The following KIDINS220 variants were observed in gnomAD, a reference collection of about 807,000 sequenced individuals.
KIDINS220 encodes the protein kinase D interacting substrate 220.
KIDINS220 carries 63 observed loss-of-function variants against 157.6 expected under a neutral mutation model. The ratio of observed to expected loss-of-function variants is 0.40; its 90% CI spans 0.33 to 0.49. The LOEUF is 0.49. Among genes scored for constraint, KIDINS220 ranks in the 20% least tolerant of loss-of-function variants. KIDINS220 has a pLI of 0.66. For missense variants in KIDINS220, 1,772 were observed against 2,171.2 expected (o/e 0.82, Z 3.65); for synonymous variants, 732 against 783.6 (o/e 0.93, Z 1.10).
At chr2:8,804,453 T>C (rs1483007319) in intron 7 of KIDINS220, among the ~76,000 whole-genome samples, 2 of 152,204 alleles carry the variant, frequency 1.3e-5, no homozygotes, top group Admixed American at 6.5e-5. Context: ...TCTTCACCTC[T>C]CCAACACAAC....
intron 22 of KIDINS220, among the ~76,000 whole-genome samples, chr2:8,753,906 TACAGAC>T (rs771588656): frequency 1.3e-5 from 2 of 152,300 alleles, no homozygotes; most frequent in East Asian, 1.9e-4. Context: ...AAGTCCGTTT[TACAGAC>T]ACAGACACAT....
At position 8,751,467 on chromosome 2, in the gene KIDINS220, T is replaced by C; in HGVS notation, c.3189A>G (p.Ala1063=). The C allele has an allele frequency of 6.2e-7, 1 of 1,600,916 alleles. No homozygotes were observed. Among genetic ancestry groups the C allele is most frequent in the Non-Finnish European group, 8.5e-7 (1 of 1,175,614 alleles). Residue 1063 remains alanine, a splice_region_variant and synonymous_variant, in exon 23 of 30, where the codon GCA becomes GCG. Transcript: ENST00000256707. The part of the protein sequence containing the change: ...NLDPKLREII[A]DVRAAREQIS... Reference sequence around the variant, plus strand: ...ATTAAATTTACTACTAATACCCACCTGCAATAATTTCCCGTAGTTTGGGAT... The same window carrying C: ...ATTAAATTTACTACTAATACCCACCCGCAATAATTTCCCGTAGTTTGGGAT...
chr2:8,726,414 A>C (rs545974343), downstream of KIDINS220, among the ~76,000 whole-genome samples: 1 of 152,368 alleles, frequency 6.6e-6, no homozygotes, highest in East Asian at 1.9e-4. Flanking sequence ...GGTCGGTGAC[A>C]ATATTTAATT....
intron 27 of KIDINS220, among the ~76,000 whole-genome samples, chr2:8,735,402 C>T (rs1664724628): frequency 6.6e-6 from 1 of 152,102 alleles, no homozygotes; most frequent in South Asian, 2.1e-4. Flanking sequence ...AGTGGTGGCA[C>T]ATGCCTGTAG....
intron 12 of KIDINS220, 51 bp from the exon 13 acceptor site, chr2:8,791,275 G>GA (rs768969934): frequency 1.4e-6 from 2 of 1,450,012 alleles, no homozygotes; most frequent in South Asian, 2.4e-5. Flanking sequence ...ATTACTATTA[G>GA]AAATGAACAC....
intron 21 of KIDINS220, among the ~76,000 whole-genome samples, chr2:8,772,403 AAGATGGAG>A (rs1181926402): frequency 6.6e-6 from 1 of 152,050 alleles, no homozygotes; most frequent in African/African-American, 2.4e-5. Context: ...TTGAACCTGG[AAGATGGAG>A]GTTACAGTGA....
At chr2:8,744,856 C>A (rs1418698933) in intron 26 of KIDINS220, among the ~76,000 whole-genome samples, 1 of 152,086 alleles carries the variant, frequency 6.6e-6, no homozygotes, top group African/African-American at 2.4e-5. Context: ...TTCTTAAAAG[C>A]AAAGGAAGCT....
Position 8,781,153 on chromosome 2 carries a change from A to ATATATATATATATAATATAT in KIDINS220, c.2230-1340_2230-1339insATATATTATATATATATATA, listed in dbSNP as rs70946383. Among the ~76,000 whole-genome samples, 466 of 130,380 alleles carry ATATATATATATATAATATAT rather than the reference A, an allele frequency of 3.6e-3. 4 individuals carry two copies. The highest frequency in any genetic ancestry group is 5.4e-3 in the Non-Finnish European group (337 of 62,266). 85.5% of individuals were successfully genotyped at this position (130,380 alleles called of 152,430 possible). ...ACTATATTAATTATTATATATATATAATATATATATATTAAAGGGGGGCAT... is the reference window on the plus strand; with the variant it reads ...ACTATATTAATTATTATATATATATATATATATATATATAATATATATATATATATATTAAAGGGGGGCAT... On this transcript the variant is annotated intron_variant, in intron 17 of 29. Coordinates refer to ENST00000256707, the MANE Select transcript of KIDINS220 (RefSeq NM_020738.4).
chr2:8,758,501 G>A (rs904330275), intron 22 of KIDINS220, among the ~76,000 whole-genome samples: 2 of 152,052 alleles, frequency 1.3e-5, no homozygotes, highest in African/African-American at 4.8e-5. Flanking sequence ...GTATTTTCAA[G>A]GAAAATACTT....
intron 22 of KIDINS220, among the ~76,000 whole-genome samples, chr2:8,758,336 A>G (rs749085769): frequency 1.2e-4 from 19 of 152,160 alleles, no homozygotes; most frequent in Non-Finnish European, 2.6e-4. Flanking sequence ...ATACTTGAGA[A>G]AAATCTACCA....
rs77849342 is a variant in KIDINS220 at position 8,755,687 on chromosome 2, C to A, written c.3012-4043G>T. ...TGTGGGGTAGGGGTCCAACTTCATT[C>A]TTTTGCATGTGGAAATCTAGTTATC... On this transcript the variant is annotated intron_variant, in intron 22 of 29. Transcript: ENST00000256707. Among the ~76,000 whole-genome samples the A allele has an allele frequency of 5.6e-3, 853 of 152,328 alleles. 4 individuals are homozygous for A. The highest frequency in any genetic ancestry group is 0.02 in the African/African-American group (814 of 41,582).
At chr2:8,786,071 G>A in intron 16 of KIDINS220, 41 bp from the exon 17 acceptor site, 9 of 1,567,164 alleles carry the variant, frequency 5.7e-6, no homozygotes, top group Non-Finnish European at 7.8e-6. Context: ...ACATATCAAG[G>A]ATCTAGAAAA....
At chr2:8,798,662 G>A (rs528739627) in intron 9 of KIDINS220, among the ~76,000 whole-genome samples, 1 of 152,296 alleles carries the variant, frequency 6.6e-6, no homozygotes, top group South Asian at 2.1e-4. Context: ...GTAACATGCT[G>A]TAAGTATTGC....
At chr2:8,812,003 T>C (rs376473942) in intron 6 of KIDINS220, among the ~76,000 whole-genome samples, 23 of 152,116 alleles carry the variant, frequency 1.5e-4, no homozygotes, top group Admixed American at 7.2e-4. Context: ...ATACCAGAGA[T>C]GGTCTTCAGG....
At position 8,731,152 on chromosome 2, in the gene KIDINS220, G is replaced by A. The variant is rs1664022949; in HGVS notation, c.4884C>T (p.Ile1628=). 2 of 1,614,030 alleles carry A rather than the reference G, an allele frequency of 1.2e-6. No homozygotes were observed. The highest frequency in any genetic ancestry group is 2.2e-5 in the East Asian group (1 of 44,892). The change falls in exon 30 of 30, where the codon ATC becomes ATT. Residue 1628 remains isoleucine, a synonymous_variant. Coordinates refer to ENST00000256707, the MANE Select transcript of KIDINS220 (RefSeq NM_020738.4). This position sits in a 1 kb window ranked among gnomAD's most constrained non-coding sequence, Gnocchi z 5.2. ...CTTGCAGGCCACTCAGGCTATGTGG[G>A]ATTCCCCGCTTTCCGCTGTGACTGT... The part of the protein sequence containing the change: ...EDDSHSGKRG[I]PHSLSGLQDP...
chr2:8,815,671 G>A (rs893502986), intron 4 of KIDINS220, among the ~76,000 whole-genome samples: 2 of 151,846 alleles, frequency 1.3e-5, no homozygotes, highest in African/African-American at 4.8e-5. Context: ...TCCGTCTCAG[G>A]GGGAAAAAAA....
intron 29 of KIDINS220, among the ~76,000 whole-genome samples, chr2:8,733,065 T>C (rs1364394630): frequency 1.3e-5 from 2 of 152,212 alleles, no homozygotes; most frequent in Non-Finnish European, 2.9e-5. Flanking sequence ...AGGGACACTA[T>C]GTGGCCAGTG....
chr2:8,816,151 G>A (rs1016361144), intron 4 of KIDINS220, among the ~76,000 whole-genome samples: 3 of 152,134 alleles, frequency 2.0e-5, no homozygotes, highest in East Asian at 1.9e-4. Context: ...AGGTTTTCTG[G>A]TCATCACTTT....
downstream of KIDINS220, chr2:8,725,578 C>T (rs1443626793): frequency 6.6e-6 from 1 of 152,122 alleles, no homozygotes; most frequent in Non-Finnish European, 1.5e-5. Context: ...GTGAGGAAGT[C>T]AACTGTGAGA....
Sources: allele counts gnomAD v4.1 joint callset (sites outside exome capture counted in the v4.1 genomes callset), GRCh38; gene constraint gnomAD v4.1.1; non-coding constraint Gnocchi (gnomAD v3.1); transcripts MANE v1.5; gene names NCBI Gene and HGNC (gene_info 2026-07-23, HGNC 2026-07-21).